The following PTPRF variants were observed in gnomAD, a reference collection of about 807,000 sequenced individuals.
PTPRF encodes the protein protein tyrosine phosphatase receptor type F.
In PTPRF, 59 loss-of-function variants were observed where a neutral mutation model predicts 201.8. The observed-to-expected ratio is 0.29, with a 90% confidence interval of 0.24 to 0.36. The LOEUF is 0.36. Ranked by LOEUF, PTPRF falls within the 10% of genes least tolerant of loss-of-function variation. The pLI is 1.00. For synonymous variants in PTPRF, 1,088 were observed against 1,089.7 expected, an observed-to-expected ratio of 1.00 and a Z score of 0.03; for missense variants, 2,132 against 2,690.5, an observed-to-expected ratio of 0.79 and a Z score of 4.59.
chr1:43,575,369 G>A (rs1646852737), intron 6 of PTPRF, among the ~76,000 whole-genome samples: 1 of 152,172 alleles, frequency 6.6e-6, no homozygotes, highest in Non-Finnish European at 1.5e-5. Context: ...TCTGGGCTGT[G>A]AGTTTGCTGA....
intron 1 of PTPRF, among the ~76,000 whole-genome samples, chr1:43,533,010 C>T (rs907160144): frequency 6.6e-6 from 1 of 152,238 alleles, no homozygotes; most frequent in East Asian, 1.9e-4. Context: ...CACAGTCATC[C>T]TTGTGTATTT....
chr1:43,593,494 ACT>A (rs1557799681), intron 11 of PTPRF, among the ~76,000 whole-genome samples: 1 of 151,398 alleles, frequency 6.6e-6, no homozygotes, highest in Non-Finnish European at 1.5e-5. Context: ...GCTGCGTGAG[ACT>A]CTGTGTGATA....
At chr1:43,565,200 G>C (rs1034721777) in intron 5 of PTPRF, among the ~76,000 whole-genome samples, 1 of 152,048 alleles carries the variant, frequency 6.6e-6, no homozygotes, top group Non-Finnish European at 1.5e-5. Context: ...GAGTCAAACC[G>C]ATCAGCTCCA....
chr1:43,609,180 C>T (rs1431293052), intron 21 of PTPRF, among the ~76,000 whole-genome samples: 1 of 152,164 alleles, frequency 6.6e-6, no homozygotes, highest in Non-Finnish European at 1.5e-5. Context: ...CTCCTGCTCT[C>T]CCTACCCCCT....
chr1:43,612,912 C>T (rs1018647196), intron 22 of PTPRF: 5 of 949,836 alleles, frequency 5.3e-6, no homozygotes, highest in Non-Finnish European at 7.5e-6. Flanking sequence ...TCTTCTCTCC[C>T]CTTCCCTTTC....
Position 43,603,978 on chromosome 1 carries a change from G to A in PTPRF, c.2826G>A (p.Ala942=), listed in dbSNP as rs562959775. Reference sequence around the variant, plus strand: ...TGGCCTGGGACCCGCCAGTGCTGGCGGAGAGGAACGGGCGCATCATCAGCT... The same window carrying A: ...TGGCCTGGGACCCGCCAGTGCTGGCAGAGAGGAACGGGCGCATCATCAGCT... The part of the protein sequence containing the change: ...TELAWDPPVL[A]ERNGRIISYT... Residue 942 remains alanine, a synonymous_variant, in exon 16 of 34, where the codon GCG becomes GCA. Transcript: ENST00000359947. This position sits in a 1 kb window ranked among gnomAD's most constrained non-coding sequence, Gnocchi z 5.8. 39 of 1,614,178 alleles carry A rather than the reference G, an allele frequency of 2.4e-5. No homozygotes were observed. Among genetic ancestry groups the A allele is most frequent in the Non-Finnish European group, 2.5e-5 (29 of 1,180,038 alleles).
At chr1:43,564,238 G>C (rs77465376) in intron 5 of PTPRF, among the ~76,000 whole-genome samples, 3 of 152,102 alleles carry the variant, frequency 2.0e-5, no homozygotes, top group Admixed American at 6.5e-5. Context: ...GTGTGGGAGC[G>C]TGCAGATCTG....
chr1:43,593,847 G>T (rs1000049349), intron 11 of PTPRF, among the ~76,000 whole-genome samples: 1 of 151,770 alleles, frequency 6.6e-6, no homozygotes, highest in Non-Finnish European at 1.5e-5. Flanking sequence ...TTAGCCAGGC[G>T]TGGTGGTGGT....
rs1456209694 is a variant in PTPRF at position 43,546,978 on chromosome 1, G to T, written c.91+1812G>T. 6.6e-6 allele frequency among the ~76,000 whole-genome samples: 1 copy of T among 152,136 alleles called. No individual in the cohort carries two copies. On this transcript the variant is annotated intron_variant, in intron 3 of 33. Coordinates refer to ENST00000359947, the MANE Select transcript of PTPRF (RefSeq NM_002840.5). This position sits in a 1 kb window ranked among gnomAD's most constrained non-coding sequence, Gnocchi z 4.2. Reference sequence around the variant, plus strand: ...CTTTTGCACGCAACAGCCTCCTGACGGTTTCCCTGCCTCCAGTCTTTTCCT... The same window carrying T: ...CTTTTGCACGCAACAGCCTCCTGACTGTTTCCCTGCCTCCAGTCTTTTCCT...
chr1:43,524,565 T>C (rs1643042905), upstream of PTPRF, among the ~76,000 whole-genome samples: 1 of 152,086 alleles, frequency 6.6e-6, no homozygotes, highest in Admixed American at 6.6e-5. Flanking sequence ...GGGAGTAGGT[T>C]TATGGATGGC....
In PTPRF at chr1:43,544,487, C is replaced by T. The variant is rs754531358; in HGVS notation, c.-45-544C>T. ...CCTGTGTTCAGGGGCCTGTGCTCAGCGTGCTCGTGGAGTCTGGCCTCCCAC... is the reference window on the plus strand; with the variant it reads ...CCTGTGTTCAGGGGCCTGTGCTCAGTGTGCTCGTGGAGTCTGGCCTCCCAC... On this transcript the variant is annotated intron_variant, in intron 2 of 33. Transcript: ENST00000359947. Among the ~76,000 whole-genome samples the T allele has an allele frequency of 3.3e-5, 5 of 152,202 alleles. No homozygotes were observed. The East Asian group carries it at 5.8e-4, about 18-fold the overall frequency.
intron 23 of PTPRF, among the ~76,000 whole-genome samples, chr1:43,615,996 A>G (rs1413880880): frequency 6.6e-6 from 1 of 152,090 alleles, no homozygotes; most frequent in Non-Finnish European, 1.5e-5. Flanking sequence ...ACAGATAATC[A>G]GCATTGAATA....
intron 2 of PTPRF, among the ~76,000 whole-genome samples, chr1:43,541,576 T>A (rs952287606): frequency 6.6e-6 from 1 of 152,238 alleles, no homozygotes; most frequent in African/African-American, 2.4e-5. Context: ...AGACATGGGG[T>A]TGGCAATTTT....
intron 6 of PTPRF, among the ~76,000 whole-genome samples, chr1:43,571,222 A>G (rs545941407): frequency 6.6e-6 from 1 of 150,456 alleles, no homozygotes; most frequent in Non-Finnish European, 1.5e-5. Flanking sequence ...CCACACTCCC[A>G]TTTTTCCCTA....
rs779393774 is a variant in PTPRF, at chr1:43,597,924, C to T, written c.1990C>T (p.Arg664Cys). Reference protein sequence around the residue: ...RGRHVVDGISREHSSWDLVGL... With the variant: ...RGRHVVDGISCEHSSWDLVGL... ...GCGGCATGTGGTGGATGGCATCAGCCGTGAGCACTCCAGCTGGGACCTGGT... is the reference window on the plus strand; with the variant it reads ...GCGGCATGTGGTGGATGGCATCAGCTGTGAGCACTCCAGCTGGGACCTGGT... Residue 664 changes from arginine (R) to cysteine (C), a missense_variant, in exon 12 of 34, where the codon CGT becomes TGT. Transcript: ENST00000359947. The T allele has an allele frequency of 8.8e-6, 14 of 1,595,828 alleles. No individual in the cohort carries two copies. Among genetic ancestry groups the T allele is most frequent in the Non-Finnish European group, 1.2e-5 (14 of 1,171,488 alleles).
intron 6 of PTPRF, among the ~76,000 whole-genome samples, chr1:43,575,181 C>T (rs987178934): frequency 6.6e-6 from 1 of 152,144 alleles, no homozygotes; most frequent in Non-Finnish European, 1.5e-5. Flanking sequence ...TCCTAATAGG[C>T]CTGGATATGG....
At chr1:43,573,450 G>T (rs1404096981) in intron 6 of PTPRF, among the ~76,000 whole-genome samples, 1 of 152,240 alleles carries the variant, frequency 6.6e-6, no homozygotes, top group Non-Finnish European at 1.5e-5. Context: ...GAAACCTGGG[G>T]GTCTTAAGAA....
intron 1 of PTPRF, among the ~76,000 whole-genome samples, chr1:43,534,982 C>T (rs999277698): frequency 6.6e-6 from 1 of 152,158 alleles, no homozygotes; most frequent in African/African-American, 2.4e-5. Context: ...GTGTGTAGCA[C>T]AGGGCTTGGC....
intron 3 of PTPRF, among the ~76,000 whole-genome samples, chr1:43,551,446 C>T (rs575278776): frequency 2.6e-5 from 4 of 152,244 alleles, no homozygotes; most frequent in East Asian, 3.9e-4. Flanking sequence ...GGGCAAGGCA[C>T]GCTGGGGGGT....
Sources: gnomAD v4.1 joint callset for allele counts (sites outside exome capture counted in the v4.1 genomes callset) on GRCh38, gnomAD v4.1.1 for gene constraint, Gnocchi (gnomAD v3.1) non-coding constraint, MANE v1.5 for transcripts, NCBI Gene and HGNC (gene_info 2026-07-23, HGNC 2026-07-21) for gene names.